Variants in GYPE observed in about 807,000 individuals in gnomAD.
GYPE encodes the protein glycophorin E (MNS blood group).
A neutral mutation model predicts 11.6 loss-of-function variants in GYPE; 8 were observed. The ratio of observed to expected loss-of-function variants is 0.69; its 90% CI spans 0.41 to 1.25. The LOEUF (loss-of-function observed/expected upper bound fraction) is 1.25. GYPE is among the 50% of genes most tolerant of loss of function. The pLI is 0.01. For missense variants in GYPE, 90 were observed against 92.8 expected (o/e 0.97, Z 0.12); for synonymous variants, 28 against 29.6 (o/e 0.94, Z 0.18).
At position 143,873,009 on chromosome 4, in the gene GYPE, A is replaced by G. The variant is rs1406691199; in HGVS notation, c.*10-757T>C. ...TGGAGATTTTAAGTAGGAGAAATAC[A>G]TGATCTAATTGATAGTTTGAAAAAA... On this transcript the variant is annotated intron_variant, in intron 3 of 3. Transcript: ENST00000358615. 8.5e-5 allele frequency among the ~76,000 whole-genome samples: 13 copies of G among 152,250 alleles called. No individual in the cohort carries two copies. The East Asian group carries it at 1.4e-3, about 16-fold the overall frequency.
At chr4:143,894,365 C>T (rs549619089) in intron 1 of GYPE, among the ~76,000 whole-genome samples, 2 of 152,076 alleles carry the variant, frequency 1.3e-5, no homozygotes, top group African/African-American at 2.4e-5. Flanking sequence ...AACTGTGTTC[C>T]TTTGGAGGAG....
At chr4:143,893,761 A>G (rs1744505629) in intron 1 of GYPE, among the ~76,000 whole-genome samples, 1 of 151,598 alleles carries the variant, frequency 6.6e-6, no homozygotes, top group African/African-American at 2.4e-5. Context: ...CTTCATTTCA[A>G]CTTTGGTGAA....
chr4:143,875,974 T>TA lies in GYPE; in HGVS notation c.*9+771dup, dbSNP rs879577229. 3.0e-3 allele frequency among the ~76,000 whole-genome samples: 405 copies of TA among 137,112 alleles called. 3 individuals are homozygous for TA. The highest frequency in any genetic ancestry group is 9.5e-3 in the African/African-American group (355 of 37,308). 90.0% of individuals were successfully genotyped at this position (137,112 alleles called of 152,430 possible). A position where few individuals can be genotyped will look rare whatever the true frequency, so the allele number is the denominator to read the frequency against. On this transcript the variant is annotated intron_variant, in intron 3 of 3. Transcript: ENST00000358615. ...CTGGGTGACAGAGGGAAACTCTGTC[T>TA]AAAAAAAAAAAAATAAAAAAAGCAT...
chr4:143,874,362 C>G (rs1330371400), intron 3 of GYPE, among the ~76,000 whole-genome samples: 2 of 152,118 alleles, frequency 1.3e-5, no homozygotes, highest in African/African-American at 4.8e-5. Context: ...AAACATGCAA[C>G]AAACACCATT....
intron 1 of GYPE, among the ~76,000 whole-genome samples, chr4:143,881,710 G>T (rs1173600378): frequency 6.6e-6 from 1 of 152,044 alleles, no homozygotes; most frequent in African/African-American, 2.4e-5. Context: ...CTTCTATTCT[G>T]TGCATTCATG....
chr4:143,876,981 C>A (rs115526692), intron 2 of GYPE, 126 bp from the exon 3 acceptor site: 65 of 679,300 alleles, frequency 9.6e-5, no homozygotes, highest in Non-Finnish European at 1.7e-4. Context: ...AATTAATATA[C>A]TATCATGTGT....
chr4:143,893,952 A>C (rs1413884426), intron 1 of GYPE, among the ~76,000 whole-genome samples: 2 of 152,126 alleles, frequency 1.3e-5, no homozygotes, highest in Admixed American at 6.5e-5. Context: ...GTACACCAAT[A>C]AGATGCAGAT....
intron 1 of GYPE, among the ~76,000 whole-genome samples, chr4:143,896,035 A>G (rs1244547702): frequency 6.6e-6 from 1 of 152,212 alleles, no homozygotes; most frequent in Non-Finnish European, 1.5e-5. Context: ...TAAACGTTAG[A>G]CCTAAAACCA....
intron 2 of GYPE, among the ~76,000 whole-genome samples, chr4:143,878,388 G>A (rs1743889768): frequency 6.6e-6 from 1 of 152,100 alleles, no homozygotes; most frequent in South Asian, 2.1e-4. Flanking sequence ...AGCCAGGCTT[G>A]GCCTCTGAAA....
chr4:143,895,587 A>G (rs371952671), intron 1 of GYPE, among the ~76,000 whole-genome samples: 8 of 148,146 alleles, frequency 5.4e-5, no homozygotes, highest in African/African-American at 1.7e-4. Context: ...CTGCCCAAGG[A>G]AATTTATAGA....
intron 1 of GYPE, among the ~76,000 whole-genome samples, chr4:143,897,613 G>A (rs1460023526): frequency 2.0e-5 from 3 of 152,158 alleles, no homozygotes; most frequent in Admixed American, 1.3e-4. Flanking sequence ...CACATTAACA[G>A]TGTCTCAATA....
chr4:143,873,299 C>G (rs374285101), intron 3 of GYPE: 5,405 of 369,066 alleles, frequency 0.015, 48 homozygotes, highest in Non-Finnish European at 0.02. Flanking sequence ...TTACATTAAA[C>G]TGATTACTTT....
At chr4:143,902,538 C>G (rs1168249910) in intron 1 of GYPE, among the ~76,000 whole-genome samples, 1 of 151,926 alleles carries the variant, frequency 6.6e-6, no homozygotes, top group Admixed American at 6.6e-5. Context: ...CTCTTCCTTT[C>G]CCTTCTCTCT....
At chr4:143,875,484 G>A in intron 3 of GYPE, 1 of 1,551,058 alleles carries the variant, frequency 6.4e-7, no homozygotes, top group Non-Finnish European at 8.7e-7. Context: ...GCAAGATCAG[G>A]CAGCATGCAG....
At chr4:143,898,657 AAC>A in intron 1 of GYPE, among the ~76,000 whole-genome samples, 1 of 152,282 alleles carries the variant, frequency 6.6e-6, no homozygotes, top group East Asian at 1.9e-4. Flanking sequence ...GCAAAAAACA[AAC>A]ACAGAAAGGA....
intron 1 of GYPE, among the ~76,000 whole-genome samples, chr4:143,881,430 G>T (rs1041549952): frequency 4.6e-5 from 7 of 151,984 alleles, no homozygotes; most frequent in African/African-American, 1.4e-4. Flanking sequence ...AAAGCACAAA[G>T]AATAATATAA....
chr4:143,873,263 A>G, intron 3 of GYPE: 1 of 306,300 alleles, frequency 3.3e-6, no homozygotes, highest in South Asian at 3.2e-5. Context: ...TAGGCCTAGA[A>G]AAAGTTTAAT....
chr4:143,903,651 G>T (rs1268411100), intron 1 of GYPE, among the ~76,000 whole-genome samples: 2 of 151,960 alleles, frequency 1.3e-5, no homozygotes, highest in East Asian at 3.9e-4. Context: ...CACATCAAGA[G>T]AGTTTCCTTG....
chr4:143,878,819 TA>T, intron 2 of GYPE: 1 of 364,478 alleles, frequency 2.7e-6, no homozygotes, highest in East Asian at 8.5e-5. Flanking sequence ...ATCTAGCTAG[TA>T]AAATTTATGA....
Sources: gnomAD v4.1 joint callset for allele counts (sites outside exome capture counted in the v4.1 genomes callset) on GRCh38, gnomAD v4.1.1 for gene constraint, MANE v1.5 for transcripts, NCBI Gene and HGNC (gene_info 2026-07-23, HGNC 2026-07-21) for gene names.